Variants in TRAF3IP3 observed in about 807,000 individuals in gnomAD.
TRAF3IP3 encodes the protein TRAF3 interacting protein 3.
In TRAF3IP3, 64 loss-of-function variants were observed where a neutral mutation model predicts 86.5. The ratio of observed to expected loss-of-function variants is 0.74; its 90% CI spans 0.60 to 0.91. TRAF3IP3 has a LOEUF of 0.91. TRAF3IP3 is among the 40% of genes least tolerant of loss of function. The pLI, the probability that TRAF3IP3 is intolerant of heterozygous loss-of-function variation, is 0.00. For synonymous variants in TRAF3IP3, 220 were observed against 243.9 expected, an observed-to-expected ratio of 0.90 and a Z score of 0.91; for missense variants, 579 against 642.9, an observed-to-expected ratio of 0.90 and a Z score of 1.07.
chr1:209,757,033 C>T (rs1328653503), intron 1 of TRAF3IP3, among the ~76,000 whole-genome samples: 2 of 152,180 alleles, frequency 1.3e-5, no homozygotes, highest in African/African-American at 2.4e-5. Context: ...CCCTGTCAGC[C>T]GTCCCACATA....
intron 1 of TRAF3IP3, among the ~76,000 whole-genome samples, chr1:209,757,225 C>T (rs1482447322): frequency 2.6e-5 from 4 of 152,194 alleles, no homozygotes; most frequent in African/African-American, 9.7e-5. Flanking sequence ...TCCATGTCTG[C>T]CCCAAGGAAG....
chr1:209,762,261 C>T (rs911750241), intron 3 of TRAF3IP3, among the ~76,000 whole-genome samples: 3 of 152,142 alleles, frequency 2.0e-5, no homozygotes, highest in African/African-American at 7.2e-5. Context: ...CAAGCTCTCT[C>T]GTGTCTCTTC....
chr1:209,764,496 C>A (rs2077303215), intron 8 of TRAF3IP3, among the ~76,000 whole-genome samples: 1 of 152,134 alleles, frequency 6.6e-6, no homozygotes, highest in Non-Finnish European at 1.5e-5. Context: ...AATCCCAGCA[C>A]TTTGGGAGCC....
Position 209,760,490 on chromosome 1 carries a change from C to T in TRAF3IP3, c.345+106C>T, listed in dbSNP as rs1214245926. 3 of 954,494 alleles carry T rather than the reference C, an allele frequency of 3.1e-6. No individual in the cohort carries two copies. In the African/African-American group the frequency reaches 5.0e-5, roughly 16 times the overall value. The allele number at this position is 954,494 out of a possible 1,614,324, so 59.1% of individuals were successfully genotyped here. A position where few individuals can be genotyped will look rare whatever the true frequency, so the allele number is the denominator to read the frequency against. ...AAAAAGTGACCTAAATCAAGTCCTTCTTCCTCAGTCATATAGTAAAGTTGC... is the reference window on the plus strand; with the variant it reads ...AAAAAGTGACCTAAATCAAGTCCTTTTTCCTCAGTCATATAGTAAAGTTGC... On this transcript the variant is annotated intron_variant, in intron 3 of 16. Coordinates refer to ENST00000367025, the MANE Select transcript of TRAF3IP3 (RefSeq NM_025228.4).
chr1:209,758,509 G>A (rs1468999464), intron 1 of TRAF3IP3: 1 of 152,272 alleles, frequency 6.6e-6, no homozygotes, highest in Admixed American at 6.5e-5. Context: ...GAGAATTCCA[G>A]ACTGAGCCAG....
intron 8 of TRAF3IP3, among the ~76,000 whole-genome samples, chr1:209,763,867 T>C (rs3753606): frequency 0.36 from 54,314 of 152,074 alleles, 12,402 homozygotes; most frequent in African/African-American, 0.65. Context: ...TTGGAAGGAA[T>C]GAAGGAAGAT....
chr1:209,764,817 T>C (rs987134865), intron 8 of TRAF3IP3, among the ~76,000 whole-genome samples: 33 of 151,894 alleles, frequency 2.2e-4, no homozygotes, highest in Admixed American at 2.2e-3. Flanking sequence ...TATTTCAGGA[T>C]TCCTTTATAC....
chr1:209,765,265 G>A (rs868335938), intron 8 of TRAF3IP3, among the ~76,000 whole-genome samples: 33 of 146,240 alleles, frequency 2.3e-4, no homozygotes, highest in Admixed American at 3.4e-4. Flanking sequence ...AAGGAAGGAA[G>A]GAAGGAAGGA....
chr1:209,774,677 G>C (rs1158650944), intron 9 of TRAF3IP3, among the ~76,000 whole-genome samples: 1 of 152,238 alleles, frequency 6.6e-6, no homozygotes, highest in Non-Finnish European at 1.5e-5. Context: ...CCATGACAAG[G>C]AGTTTGGATG....
intron 8 of TRAF3IP3, chr1:209,768,587 G>A: frequency 1.0e-6 from 1 of 985,856 alleles, no homozygotes; most frequent in Non-Finnish European, 1.2e-6. Context: ...AGGTGGTGGT[G>A]TTTCTGGAGA....
At chr1:209,770,408 GGT>G (rs1263290165) in intron 8 of TRAF3IP3, among the ~76,000 whole-genome samples, 3 of 148,826 alleles carry the variant, frequency 2.0e-5, no homozygotes, top group Non-Finnish European at 3.0e-5. Flanking sequence ...TGCAGGTGGA[GGT>G]GTGTGTGTGC....
In TRAF3IP3 at chr1:209,772,872, G is replaced by C. The variant is rs1361544513; in HGVS notation, c.703-76G>C. 7.0e-6 allele frequency: 9 copies of C among 1,294,618 alleles called. No individual in the cohort carries two copies. The East Asian group carries it at 1.2e-4, about 17-fold the overall frequency. The allele number at this position is 1,294,618 out of a possible 1,614,324, so 80.2% of individuals were successfully genotyped here. ...AGCACCAACCATGTGCTGGGCAGTA[G>C]AATAGGAATATAGAGTCAAACTCTT... On this transcript the variant is annotated intron_variant, in intron 8 of 16. Coordinates refer to ENST00000367025, the MANE Select transcript of TRAF3IP3 (RefSeq NM_025228.4).
chr1:209,774,057 C>G (rs1225450854), intron 9 of TRAF3IP3, among the ~76,000 whole-genome samples: 1 of 152,150 alleles, frequency 6.6e-6, no homozygotes, highest in Admixed American at 6.5e-5. Context: ...TCATATTGAT[C>G]CCTAAATTGT....
intron 9 of TRAF3IP3, 152 bp downstream of exon 9, chr1:209,773,171 T>G: frequency 1.5e-6 from 1 of 651,078 alleles, no homozygotes; most frequent in Middle Eastern, 4.0e-4. Context: ...CCATTTACAC[T>G]TTAGTCTCTA....
At chr1:209,773,880 C>T (rs1470290560) in intron 9 of TRAF3IP3, among the ~76,000 whole-genome samples, 1 of 152,166 alleles carries the variant, frequency 6.6e-6, no homozygotes, top group Non-Finnish European at 1.5e-5. Flanking sequence ...TAACCAGTGC[C>T]CAGCATGGAT....
chr1:209,770,155 TAGAC>T (rs755155163), intron 8 of TRAF3IP3, among the ~76,000 whole-genome samples: 8 of 152,210 alleles, frequency 5.3e-5, no homozygotes, highest in African/African-American at 9.6e-5. Flanking sequence ...AAAATACCAT[TAGAC>T]AGCCCCAGCT....
rs974604293 is a variant in TRAF3IP3 at position 209,762,511 on chromosome 1, C to T, written c.346-4C>T. On this transcript the variant is annotated splice_polypyrimidine_tract_variant and splice_region_variant and intron_variant, in intron 3 of 16. Coordinates refer to ENST00000367025, the MANE Select transcript of TRAF3IP3 (RefSeq NM_025228.4). ...GTTTTCAGCATTCCCCACTTGCCTT[C>T]CAGGTGACAGGCACCAGCTCTGAAG... 2.1e-6 allele frequency: 3 copies of T among 1,447,188 alleles called. No homozygotes were observed. Among genetic ancestry groups the T allele is most frequent in the African/African-American group, 2.9e-5 (2 of 68,336 alleles). 89.6% of individuals were successfully genotyped at this position (1,447,188 alleles called of 1,614,324 possible).
At chr1:209,770,223 C>T (rs1190019937) in intron 8 of TRAF3IP3, among the ~76,000 whole-genome samples, 7 of 152,226 alleles carry the variant, frequency 4.6e-5, no homozygotes, top group African/African-American at 1.7e-4. Context: ...CCCCTGCCGC[C>T]CTCACTCTGC....
rs143083973 is a variant in TRAF3IP3 at position 209,767,034 on chromosome 1, G to T, written c.702+3447G>T. Among the ~76,000 whole-genome samples, 767 of 152,312 alleles carry T rather than the reference G, an allele frequency of 5.0e-3. 17 individuals carry two copies. The highest frequency in any genetic ancestry group is 0.038 in the East Asian group (195 of 5,184). The stretch of plus-strand genomic sequence containing the variant: ...AGGCCTATGTATGGCAAAGAATTGG[G>T]TATAGCAGAGTATGGCTGAAATGAA... On this transcript the variant is annotated intron_variant, in intron 8 of 16. Coordinates refer to ENST00000367025, the MANE Select transcript of TRAF3IP3 (RefSeq NM_025228.4).
Sources: allele counts gnomAD v4.1 joint callset (sites outside exome capture counted in the v4.1 genomes callset), GRCh38; gene constraint gnomAD v4.1.1; transcripts MANE v1.5; gene names NCBI Gene and HGNC (gene_info 2026-07-23, HGNC 2026-07-21).